Variants in STAC observed in about 807,000 individuals in gnomAD.
STAC encodes SH3 and cysteine rich domain.
A neutral mutation model predicts 48.8 loss-of-function variants in STAC; 43 were observed. The ratio of observed to expected loss-of-function variants is 0.88; its 90% CI spans 0.69 to 1.14. The LOEUF (loss-of-function observed/expected upper bound fraction) is 1.14, where lower values mean the gene tolerates loss of function less well. STAC is among the 50% of genes most tolerant of loss of function. The probability of loss-of-function intolerance (pLI) is 0.00; values close to 1 mark genes in which losing one functional copy is unlikely to be tolerated. For synonymous variants in STAC, 193 were observed against 179.5 expected (o/e 1.07, Z -0.60); for missense variants, 497 against 504.0 (o/e 0.99, Z 0.13).
intron 1 of STAC, among the ~76,000 whole-genome samples, chr3:36,397,912 CAA>C (rs33938614): frequency 2.3e-5 from 3 of 130,546 alleles, no homozygotes; most frequent in Non-Finnish European, 1.7e-5. Context: ...CAGCAGGCAG[CAA>C]AAAAAAAAAA....
chr3:36,422,679 C>T (rs1369622601), intron 1 of STAC, among the ~76,000 whole-genome samples: 1 of 152,020 alleles, frequency 6.6e-6, no homozygotes, highest in African/African-American at 2.4e-5. Context: ...TATTTATAAA[C>T]ATATAAAAAC....
At chr3:36,393,972 A>G (rs1244511980) in intron 1 of STAC, among the ~76,000 whole-genome samples, 2 of 151,948 alleles carry the variant, frequency 1.3e-5, no homozygotes, top group Non-Finnish European at 2.9e-5. Flanking sequence ...GAAGAGAAGA[A>G]GCTGGCGGTG....
At position 36,380,632 on chromosome 3, in the gene STAC, C is replaced by T. The variant is rs765313356; in HGVS notation, c.-12C>T. 3.2e-6 allele frequency: 5 copies of T among 1,571,268 alleles called. No individual in the cohort carries two copies. Among genetic ancestry groups the T allele is most frequent in the Non-Finnish European group, 4.3e-6 (5 of 1,156,754 alleles). The stretch of plus-strand genomic sequence containing the variant: ...TCCTCCGGGAGCCCAACACCGTTCC[C>T]GCGCGGCCACGATGATCCCTCCGAG... On this transcript the variant is annotated 5_prime_UTR_variant, in exon 1 of 11. Transcript: ENST00000273183.
At chr3:36,439,916 C>T (rs998666825) in intron 1 of STAC, among the ~76,000 whole-genome samples, 2 of 152,244 alleles carry the variant, frequency 1.3e-5, no homozygotes, top group African/African-American at 4.8e-5. Flanking sequence ...CAACAAGCAA[C>T]TCCACAATAA....
At chr3:36,482,947 A>G in intron 2 of STAC, 45 bp from the exon 3 acceptor site, 1 of 1,374,134 alleles carries the variant, frequency 7.3e-7, no homozygotes, top group Non-Finnish European at 1.0e-6. Context: ...ATCAGCAGGA[A>G]ATGGCAGGTT....
chr3:36,512,675 C>T (rs73827552), intron 8 of STAC, among the ~76,000 whole-genome samples: 3,573 of 152,246 alleles, frequency 0.023, 128 homozygotes, highest in African/African-American at 0.08. Flanking sequence ...TGTCTGGTCA[C>T]GAATGAAACG....
At chr3:36,512,744 T>C (rs965250009) in intron 8 of STAC, among the ~76,000 whole-genome samples, 1 of 152,324 alleles carries the variant, frequency 6.6e-6, no homozygotes, top group East Asian at 1.9e-4. Flanking sequence ...AATGTCTGCA[T>C]TGCATAGACT....
intron 5 of STAC, among the ~76,000 whole-genome samples, chr3:36,488,495 C>T (rs905205991): frequency 1.3e-5 from 2 of 152,110 alleles, no homozygotes; most frequent in Non-Finnish European, 2.9e-5. Context: ...TCTGCTTTTG[C>T]TTGGTCTTCT....
chr3:36,401,509 C>G (rs77053179), intron 1 of STAC, among the ~76,000 whole-genome samples: 1,774 of 152,218 alleles, frequency 0.012, 11 homozygotes, highest in Middle Eastern at 0.034. Context: ...CCAAGGAAGC[C>G]CGCACTGGCT....
intron 8 of STAC, among the ~76,000 whole-genome samples, chr3:36,512,242 G>A (rs913811398): frequency 3.9e-5 from 6 of 152,090 alleles, no homozygotes; most frequent in African/African-American, 1.2e-4. Flanking sequence ...AGGAGGAGAC[G>A]GGCTTTATCA....
intron 1 of STAC, among the ~76,000 whole-genome samples, chr3:36,412,924 C>T (rs1264526575): frequency 2.0e-5 from 3 of 152,106 alleles, no homozygotes; most frequent in African/African-American, 4.8e-5. Flanking sequence ...GCATACATTT[C>T]GTTATGTACC....
At chr3:36,494,077 T>G (rs1052432117) in intron 6 of STAC, among the ~76,000 whole-genome samples, 11 of 135,430 alleles carry the variant, frequency 8.1e-5, no homozygotes, top group African/African-American at 2.8e-5. Context: ...GCGTGAACCC[T>G]GGAGGCGGAG....
At chr3:36,507,462 C>T (rs1698431442) in intron 8 of STAC, among the ~76,000 whole-genome samples, 1 of 152,074 alleles carries the variant, frequency 6.6e-6, no homozygotes, top group Non-Finnish European at 1.5e-5. Flanking sequence ...CCCTCTTTTT[C>T]TATTGTTTGG....
At chr3:36,512,575 G>A (rs1698568914) in intron 8 of STAC, among the ~76,000 whole-genome samples, 1 of 152,052 alleles carries the variant, frequency 6.6e-6, no homozygotes, top group African/African-American at 2.4e-5. Flanking sequence ...GAATGTTACT[G>A]GGATAATGAG....
chr3:36,485,208 A>G (rs1200944872), intron 4 of STAC, 150 bp downstream of exon 4: 13 of 539,756 alleles, frequency 2.4e-5, no homozygotes, highest in Non-Finnish European at 4.0e-5. Context: ...TTTTGCTGGA[A>G]GGGAAACATA....
At chr3:36,506,381 CT>C (rs1698404055) in intron 8 of STAC, 2 of 152,118 alleles carry the variant, frequency 1.3e-5, no homozygotes, top group South Asian at 4.2e-4. Flanking sequence ...CAGCTTTGTG[CT>C]TTTGGCTTAG....
chr3:36,542,991 T>C (rs1699363829), intron 10 of STAC, among the ~76,000 whole-genome samples: 1 of 152,190 alleles, frequency 6.6e-6, no homozygotes, highest in Admixed American at 6.5e-5. Flanking sequence ...TCTCTAACTG[T>C]ACCTGATGAG....
chr3:36,419,218 G>T (rs1230182262), intron 1 of STAC, among the ~76,000 whole-genome samples: 1 of 151,986 alleles, frequency 6.6e-6, no homozygotes, highest in Non-Finnish European at 1.5e-5. Flanking sequence ...TATTAATACT[G>T]CAAAGCCCTC....
chr3:36,387,707 ATAC>A (rs1007639939), intron 1 of STAC, among the ~76,000 whole-genome samples: 5 of 152,104 alleles, frequency 3.3e-5, no homozygotes, highest in African/African-American at 1.2e-4. Context: ...TTGTATATAT[ATAC>A]TACATTTTGT....
Sources: allele counts gnomAD v4.1 joint callset (sites outside exome capture counted in the v4.1 genomes callset), GRCh38; gene constraint gnomAD v4.1.1; transcripts MANE v1.5; gene names NCBI Gene and HGNC (gene_info 2026-07-23, HGNC 2026-07-21).